NFIC: variants seen among roughly 807,000 people sequenced by gnomAD.
The protein encoded by NFIC is nuclear factor 1 C-type.
A neutral mutation model predicts 54.4 loss-of-function variants in NFIC; 12 were observed. The observed-to-expected ratio is 0.22, with a 90% CI of 0.14 to 0.36. The LOEUF (loss-of-function observed/expected upper bound fraction) is 0.36. Ranked by LOEUF, NFIC falls within the 10% of genes least tolerant of loss-of-function variation. The pLI, the probability that NFIC is intolerant of heterozygous loss-of-function variation, is 1.00. For synonymous variants in NFIC, 322 were observed against 319.2 expected (o/e 1.01, Z -0.09); for missense variants, 575 against 718.2 (o/e 0.80, Z 2.28).
rs191843536 is a variant in NFIC at position 3,426,958 on chromosome 19, G to A, written c.634+1781G>A. On this transcript the variant is annotated intron_variant, in intron 3 of 10. Coordinates refer to ENST00000443272, the MANE Select transcript of NFIC (RefSeq NM_001245002.2). ...TTTTTTTTTTTTGAGACAGAGTCAG[G>A]CTCTGTCGCCCAGGCTAGAGTGCAA... Among the ~76,000 whole-genome samples, 976 of 147,870 alleles carry A rather than the reference G, an allele frequency of 6.6e-3. 6 individuals carry two copies. The highest frequency in any genetic ancestry group is 0.06 in the Middle Eastern group (17 of 282).
In NFIC at chr19:3,370,966, G is replaced by A. The variant is rs987082130; in HGVS notation, c.30+4300G>A. On this transcript the variant is annotated intron_variant, in intron 1 of 10. Coordinates refer to ENST00000443272, the MANE Select transcript of NFIC (RefSeq NM_001245002.2). This position sits in a 1 kb window ranked among gnomAD's most constrained non-coding sequence, Gnocchi z 5.2. ...ATGAGCACACGCTGGGCGCACACGC[G>A]TGCACACTCCCTGACACCCATACGG... Among the ~76,000 whole-genome samples, 3 of 152,202 alleles carry A rather than the reference G, an allele frequency of 2.0e-5. No individual in the cohort carries two copies. The highest frequency in any genetic ancestry group is 4.8e-5 in the African/African-American group (2 of 41,446).
At chr19:3,362,105 C>T (rs546384276), upstream of NFIC, among the ~76,000 whole-genome samples, 3 of 152,318 alleles carry the variant, frequency 2.0e-5, no homozygotes. Context: ...AGCCCAGCTC[C>T]AGGCAGAGCT....
chr19:3,415,086 C>T (rs1463498771), intron 2 of NFIC, among the ~76,000 whole-genome samples: 3 of 151,862 alleles, frequency 2.0e-5, no homozygotes, highest in African/African-American at 4.8e-5. Context: ...GTGATCCAAC[C>T]GCCTCAGGCT....
rs1267220664 is a variant in NFIC at position 3,370,776 on chromosome 19, C to T, written c.30+4110C>T. ...TCTCTGTCTCTCTGAGCTGGCCTCC[C>T]TCCCTGTCTCACACCAAATGGATGG... On this transcript the variant is annotated intron_variant, in intron 1 of 10. Transcript: ENST00000443272. The surrounding 1 kb of genome is among the most constrained non-coding windows in gnomAD (Gnocchi z 5.2). Among the ~76,000 whole-genome samples the T allele has an allele frequency of 6.6e-6, 1 of 152,098 alleles. No individual in the cohort carries two copies. Among genetic ancestry groups the T allele is most frequent in the East Asian group, 1.9e-4 (1 of 5,182 alleles).
At chr19:3,430,051 T>G (rs2082096942) in intron 3 of NFIC, among the ~76,000 whole-genome samples, 1 of 151,890 alleles carries the variant, frequency 6.6e-6, no homozygotes, top group South Asian at 2.1e-4. Flanking sequence ...TAAAATAGCC[T>G]CCCTCCCCAC....
chr19:3,452,989 G>A lies in NFIC; in HGVS notation c.1269+323G>A, dbSNP rs1217381908. Among the ~76,000 whole-genome samples the A allele has an allele frequency of 2.0e-5, 3 of 152,210 alleles. No individual in the cohort carries two copies. The highest frequency in any genetic ancestry group is 7.2e-5 in the African/African-American group (3 of 41,454). On this transcript the variant is annotated intron_variant, in intron 8 of 10. Transcript: ENST00000443272. The surrounding 1 kb of genome is among the most constrained non-coding windows in gnomAD (Gnocchi z 5.3). ...AGCGGCTCATGCCTGTGATCCCAGC[G>A]CTTTCGGAGGCCAAGGCGGGAGGAT...
In NFIC at chr19:3,375,200, CT is replaced by C. The variant is rs1045067234; in HGVS notation, c.31-6511del. ...CCTGCCCCCATCATGGATGCCTCCCCTGTCCCTTCCAGCAGCCTCTTATCAC... is the reference window on the plus strand; with the variant it reads ...CCTGCCCCCATCATGGATGCCTCCCCGTCCCTTCCAGCAGCCTCTTATCAC... On this transcript the variant is annotated intron_variant, in intron 1 of 10. Coordinates refer to ENST00000443272, the MANE Select transcript of NFIC (RefSeq NM_001245002.2). This position sits in a 1 kb window ranked among gnomAD's most constrained non-coding sequence, Gnocchi z 4.6. 8.5e-5 allele frequency among the ~76,000 whole-genome samples: 13 copies of C among 152,264 alleles called. No homozygotes were observed. Among genetic ancestry groups the C allele is most frequent in the African/African-American group, 3.1e-4 (13 of 41,540 alleles).
chr19:3,381,986 C>T lies in NFIC; in HGVS notation c.305C>T (p.Pro102Leu). 5 of 1,613,442 alleles carry T rather than the reference C, an allele frequency of 3.1e-6. No individual in the cohort carries two copies. Among genetic ancestry groups the T allele is most frequent in the Non-Finnish European group, 4.2e-6 (5 of 1,179,930 alleles). Residue 102 changes from proline (P) to leucine (L), a missense_variant, in exon 2 of 11, where the codon CCG (proline) becomes CTG (leucine). This residue lies in a region of NFIC where 122 missense variants were observed against 158.0 expected (regional missense o/e 0.77). Coordinates refer to ENST00000443272, the MANE Select transcript of NFIC (RefSeq NM_001245002.2). ...FVLSITGKKA[P>L]GCVLSNPDQK... The stretch of plus-strand genomic sequence containing the variant: ...CTGAGCATCACCGGCAAGAAGGCGC[C>T]GGGCTGCGTGCTCTCCAACCCCGAC...
intron 2 of NFIC, among the ~76,000 whole-genome samples, chr19:3,407,568 G>A (rs2081673894): frequency 6.6e-6 from 1 of 152,098 alleles, no homozygotes; most frequent in South Asian, 2.1e-4. Context: ...CTGAGCATCT[G>A]GGATTACAGG....
intron 2 of NFIC, among the ~76,000 whole-genome samples, chr19:3,404,963 G>A (rs75582100): frequency 0.011 from 1,724 of 152,310 alleles, 28 homozygotes; most frequent in African/African-American, 0.04. Flanking sequence ...CCAACAGCCC[G>A]ATGCTGGGGA....
rs183849909 is a variant in NFIC at position 3,443,576 on chromosome 19, G to A, written c.959-5438G>A. ...ACTCAAGGTGTGGATTTCAATGTGT[G>A]CAGCCTCCTGGGACCTCTGCAGGGC... On this transcript the variant is annotated intron_variant, in intron 6 of 10. Coordinates refer to ENST00000443272, the MANE Select transcript of NFIC (RefSeq NM_001245002.2). 4.6e-5 allele frequency among the ~76,000 whole-genome samples: 7 copies of A among 152,240 alleles called. No homozygotes were observed. In the East Asian group the frequency reaches 1.2e-3, roughly 25 times the overall value.
intron 3 of NFIC, among the ~76,000 whole-genome samples, chr19:3,432,622 C>G (rs915939585): frequency 6.6e-6 from 1 of 151,184 alleles, no homozygotes; most frequent in East Asian, 1.9e-4. Context: ...GATCACACAC[C>G]GAGGCAGGTG....
chr19:3,399,134 G>C (rs573889003), intron 2 of NFIC, among the ~76,000 whole-genome samples: 1 of 152,178 alleles, frequency 6.6e-6, no homozygotes, highest in East Asian at 1.9e-4. Context: ...GCAGGAAGAC[G>C]TGAGGTCCTG....
intron 2 of NFIC, among the ~76,000 whole-genome samples, chr19:3,406,285 G>A (rs1294058184): frequency 6.6e-6 from 1 of 151,710 alleles, no homozygotes; most frequent in Admixed American, 6.6e-5. Context: ...GTAGAGATGG[G>A]GTTTTGCCAT....
intron 2 of NFIC, among the ~76,000 whole-genome samples, chr19:3,415,574 C>G (rs939682629): frequency 1.1e-4 from 17 of 152,100 alleles, no homozygotes; most frequent in African/African-American, 3.6e-4. Flanking sequence ...GCAAGAGGGG[C>G]AGCAGAGGAG....
Position 3,441,941 on chromosome 19 carries a change from C to T in NFIC, c.958+6734C>T, listed in dbSNP as rs180957239. On this transcript the variant is annotated intron_variant, in intron 6 of 10. Coordinates refer to ENST00000443272, the MANE Select transcript of NFIC (RefSeq NM_001245002.2). ...CCTGTCTAGACAGCCCCCAATTAGC[C>T]ACTCATTAAGGGGGTTAAGCTGATT... Among the ~76,000 whole-genome samples the T allele has an allele frequency of 1.3e-3, 192 of 152,308 alleles. 4 individuals carry two copies. Among genetic ancestry groups the T allele is most frequent in the African/African-American group, 4.4e-3 (184 of 41,584 alleles).
Position 3,443,178 on chromosome 19 carries a change from A to T in NFIC, c.959-5836A>T, listed in dbSNP as rs565302173. ...GCTGAGTGTGGTGGCTCACACCTGT[A>T]ATCCCAGCACTTTGGGAGGCCAAGG... On this transcript the variant is annotated intron_variant, in intron 6 of 10. Transcript: ENST00000443272. 9.2e-5 allele frequency among the ~76,000 whole-genome samples: 14 copies of T among 152,342 alleles called. No individual in the cohort carries two copies. In the South Asian group the frequency reaches 2.9e-3, roughly 32 times the overall value.
chr19:3,450,631 G>A (rs2082447315), intron 7 of NFIC, among the ~76,000 whole-genome samples: 1 of 152,072 alleles, frequency 6.6e-6, no homozygotes, highest in African/African-American at 2.4e-5. Context: ...CTCCAGCCTG[G>A]GCAACAGAGC....
chr19:3,419,798 CAA>C (rs34788531), intron 2 of NFIC, among the ~76,000 whole-genome samples: 84 of 139,098 alleles, frequency 6.0e-4, no homozygotes, highest in Non-Finnish European at 6.8e-4. Context: ...TACTCTGTTC[CAA>C]AAAAAAAAAA....
Sources: allele counts gnomAD v4.1 joint callset (sites outside exome capture counted in the v4.1 genomes callset), GRCh38; gene constraint gnomAD v4.1.1; regional missense constraint gnomAD v4.1.1; non-coding constraint Gnocchi (gnomAD v3.1); transcripts MANE v1.5; gene names NCBI Gene and HGNC (gene_info 2026-07-23, HGNC 2026-07-21).